CPEB1: variants seen among roughly 807,000 people sequenced by gnomAD.
CPEB1 encodes cytoplasmic polyadenylation element binding protein 1, also known as cytoplasmic polyadenylation element-binding protein 1.
CPEB1 carries 7 observed loss-of-function variants against 65.8 expected under a neutral mutation model. The observed-to-expected ratio is 0.11, with a 90% CI of 0.06 to 0.20. CPEB1 has a LOEUF of 0.20. Among genes scored for constraint, CPEB1 ranks in the 10% least tolerant of loss-of-function variants. The pLI, the probability that CPEB1 is intolerant of heterozygous loss-of-function variation, is 1.00. For missense variants in CPEB1, 551 were observed against 712.2 expected, an observed-to-expected ratio of 0.77 and a Z score of 2.58; for synonymous variants, 262 against 260.0, an observed-to-expected ratio of 1.01 and a Z score of -0.08.
intron 3 of CPEB1, among the ~76,000 whole-genome samples, chr15:82,576,020 C>A (rs141179881): frequency 6.6e-6 from 1 of 152,258 alleles, no homozygotes. Flanking sequence ...TAATAAAACA[C>A]CTGTGCAAGA....
At chr15:82,589,146 A>G (rs986254547) in intron 3 of CPEB1, among the ~76,000 whole-genome samples, 97 of 152,248 alleles carry the variant, frequency 6.4e-4, no homozygotes, top group African/African-American at 2.2e-3. Context: ...AGCCTCCCCT[A>G]TGTTATCTGT....
At chr15:82,644,270 GACC>G (rs745497307) in intron 1 of CPEB1, among the ~76,000 whole-genome samples, 1 of 152,164 alleles carries the variant, frequency 6.6e-6, no homozygotes, top group Non-Finnish European at 1.5e-5. Context: ...CCAGCTCCCA[GACC>G]ACCACCTTTT....
intron 3 of CPEB1, among the ~76,000 whole-genome samples, chr15:82,592,229 G>A (rs28808991): frequency 6.6e-6 from 1 of 151,914 alleles, no homozygotes; most frequent in Non-Finnish European, 1.5e-5. Flanking sequence ...AGGTTCAGTT[G>A]CAGACCACCT....
chr15:82,564,273 TTTTTTTTG>T (rs531420439), intron 4 of CPEB1, among the ~76,000 whole-genome samples: 1 of 149,264 alleles, frequency 6.7e-6, no homozygotes, highest in Non-Finnish European at 1.5e-5. Context: ...GACACAATGG[TTTTTTTTG>T]TTTTTTTGTT....
intron 3 of CPEB1, among the ~76,000 whole-genome samples, chr15:82,595,632 T>C (rs2042610430): frequency 6.6e-6 from 1 of 152,242 alleles, no homozygotes; most frequent in South Asian, 2.1e-4. Context: ...TGGAGAATGC[T>C]AGACAATCAG....
chr15:82,632,824 T>C lies in CPEB1; in HGVS notation c.-97-4268A>G, dbSNP rs79121330. ...GATTACAGGCATGAGCTACCACATC[T>C]AGCCAATACTGATCCTTTTAAACCG... is the stretch of plus-strand genomic sequence containing the variant. On this transcript the variant is annotated intron_variant, in intron 1 of 12. Transcript: ENST00000684509. Among the ~76,000 whole-genome samples, 222 of 152,126 alleles carry C rather than the reference T, an allele frequency of 1.5e-3. 2 individuals are homozygous for C. The East Asian group carries it at 0.034, about 23-fold the overall frequency.
At chr15:82,593,280 T>C (rs940959373) in intron 3 of CPEB1, among the ~76,000 whole-genome samples, 1 of 152,274 alleles carries the variant, frequency 6.6e-6, no homozygotes, top group Non-Finnish European at 1.5e-5. Flanking sequence ...TCTCAAACTC[T>C]GCCTCTGCTT....
At position 82,606,654 on chromosome 15, in the gene CPEB1, TA is replaced by T. The variant is rs962736482; in HGVS notation, c.271+20538del. 9.9e-5 allele frequency among the ~76,000 whole-genome samples: 9 copies of T among 90,816 alleles called. 2 individuals are homozygous for T. The highest frequency in any genetic ancestry group is 4.3e-4 in the African/African-American group (9 of 21,162). 59.6% of individuals were successfully genotyped at this position (90,816 alleles called of 152,430 possible). ...TAAAATGGTGAAACCCCGTCTCTAC[TA>T]AAAATACAAAAAATTAGCCGGGCGT... On this transcript the variant is annotated intron_variant, in intron 3 of 12. Transcript: ENST00000684509.
intron 1 of CPEB1, among the ~76,000 whole-genome samples, chr15:82,643,039 CCT>C (rs2047228387): frequency 6.6e-6 from 1 of 152,090 alleles, no homozygotes; most frequent in Admixed American, 6.5e-5. Context: ...ACAGACAACA[CCT>C]AACGTTATAA....
intron 3 of CPEB1, among the ~76,000 whole-genome samples, chr15:82,589,918 T>C (rs1460997545): frequency 6.6e-6 from 1 of 152,150 alleles, no homozygotes; most frequent in East Asian, 1.9e-4. Context: ...AGATAAAGTA[T>C]ATATAAAGGA....
intron 1 of CPEB1, chr15:82,638,657 T>C (rs927452350): frequency 2.6e-5 from 4 of 152,134 alleles, no homozygotes; most frequent in Non-Finnish European, 5.9e-5. Flanking sequence ...AAAAAGGTTT[T>C]CAAAGGAAAA....
chr15:82,631,267 A>G (rs1314043176), intron 1 of CPEB1, among the ~76,000 whole-genome samples: 1 of 152,142 alleles, frequency 6.6e-6, no homozygotes, highest in African/African-American at 2.4e-5. Context: ...AAGGCAAATG[A>G]TATCTGACAT....
At chr15:82,619,308 T>A (rs1224625834) in intron 3 of CPEB1, among the ~76,000 whole-genome samples, 1 of 152,220 alleles carries the variant, frequency 6.6e-6, no homozygotes, top group African/African-American at 2.4e-5. Flanking sequence ...CCAGATGGGT[T>A]GCAAATCTAA....
At position 82,597,382 on chromosome 15, in the gene CPEB1, A is replaced by T. The variant is rs561701859; in HGVS notation, c.272-25850T>A. Among the ~76,000 whole-genome samples, 57 of 152,222 alleles carry T rather than the reference A, an allele frequency of 3.7e-4. 1 individual carries two copies. The highest frequency in any genetic ancestry group is 6.6e-4 in the Non-Finnish European group (45 of 68,048). On this transcript the variant is annotated intron_variant, in intron 3 of 12. Coordinates refer to ENST00000684509, the MANE Select transcript of CPEB1 (RefSeq NM_001365242.1). ...GCCCAGTTGGATTTACATCCAAAGG[A>T]CTGAGCCCTGAACAAAGAGTTAAGT...
chr15:82,544,800 G>A, intron 12 of CPEB1, 98 bp from the exon 13 acceptor site: 5 of 879,508 alleles, frequency 5.7e-6, no homozygotes. Context: ...AGAAGGGTGG[G>A]AGACTCCCGA....
chr15:82,558,856 A>G (rs1430720562), intron 4 of CPEB1, among the ~76,000 whole-genome samples: 1 of 152,224 alleles, frequency 6.6e-6, no homozygotes, highest in African/African-American at 2.4e-5. Flanking sequence ...GGGGAACCTA[A>G]GCAAAGCACA....
intron 9 of CPEB1, among the ~76,000 whole-genome samples, chr15:82,550,384 T>C (rs1210690573): frequency 6.6e-6 from 1 of 152,102 alleles, no homozygotes; most frequent in Admixed American, 6.6e-5. Flanking sequence ...GCAAAAACAG[T>C]AGTTTCAAAG....
At chr15:82,631,421 G>GA (rs796816890) in intron 1 of CPEB1, among the ~76,000 whole-genome samples, 1,613 of 143,474 alleles carry the variant, frequency 0.011, 28 homozygotes, top group African/African-American at 0.037. Context: ...AATTTGGAAG[G>GA]AAAAAAAAAA....
In CPEB1 at chr15:82,546,448, C is replaced by T; in HGVS notation, c.1649G>A (p.Arg550Gln). ...CSSQPGPFFC[R>Q]DQVCFKYFCR... ...CATAGACATCGGACCCACCTGATCT[C>T]GACAGAAGAAAGGACCAGGCTGAGA... is the stretch of plus-strand genomic sequence containing the variant. Residue 550 changes from arginine (R) to glutamine (Q), a missense_variant, in exon 12 of 13, where the codon CGA becomes CAA. Transcript: ENST00000684509. The T allele has an allele frequency of 3.1e-6, 5 of 1,613,548 alleles. No homozygotes were observed. The highest frequency in any genetic ancestry group is 4.2e-6 in the Non-Finnish European group (5 of 1,179,570).
Sources: allele counts gnomAD v4.1 joint callset (sites outside exome capture counted in the v4.1 genomes callset), GRCh38; gene constraint gnomAD v4.1.1; transcripts MANE v1.5; gene names NCBI Gene and HGNC (gene_info 2026-07-23, HGNC 2026-07-21).